Variants in ADCYAP1R1 observed in about 807,000 individuals in gnomAD.
ADCYAP1R1 encodes ADCYAP receptor type I, also known as pituitary adenylate cyclase-activating polypeptide type I receptor.
A neutral mutation model predicts 67.6 loss-of-function variants in ADCYAP1R1; 44 were observed. The observed-to-expected ratio is 0.65, with a 90% CI of 0.51 to 0.84. ADCYAP1R1 has a LOEUF of 0.84. Among genes scored for constraint, ADCYAP1R1 ranks in the 40% least tolerant of loss-of-function variants. The pLI, the probability that ADCYAP1R1 is intolerant of heterozygous loss-of-function variation, is 0.00. For missense variants in ADCYAP1R1, 477 were observed against 587.9 expected, an observed-to-expected ratio of 0.81 and a Z score of 1.95; for synonymous variants, 222 against 219.6, an observed-to-expected ratio of 1.01 and a Z score of -0.10.
rs952459417 is a variant in ADCYAP1R1 at position 31,095,685 on chromosome 7, A to C, written c.1046+2950A>C. ...TTTCCAGAACAAATTTAAGCCCGCGAGTCCCCAAGAAAGCCCGAGAGGACC... is the reference window on the plus strand; with the variant it reads ...TTTCCAGAACAAATTTAAGCCCGCGCGTCCCCAAGAAAGCCCGAGAGGACC... On this transcript the variant is annotated intron_variant, in intron 13 of 15. Transcript: ENST00000304166. The C allele has an allele frequency of 1.9e-5, 14 of 718,066 alleles. No homozygotes were observed. The Admixed American group carries it at 2.8e-4, about 14-fold the overall frequency. 44.5% of individuals were successfully genotyped at this position (718,066 alleles called of 1,614,324 possible).
At chr7:31,092,765 A>G (rs759247342) in intron 13 of ADCYAP1R1, 30 bp downstream of exon 13, 11 of 1,553,652 alleles carry the variant, frequency 7.1e-6, no homozygotes, top group Non-Finnish European at 8.8e-6. Context: ...TGCCACAGCC[A>G]TTTCTGACAG....
chr7:31,057,975 T>C (rs1158442260), intron 1 of ADCYAP1R1, among the ~76,000 whole-genome samples: 2 of 152,176 alleles, frequency 1.3e-5, no homozygotes, highest in African/African-American at 4.8e-5. Flanking sequence ...AGCCCCATGA[T>C]GGGCAGATGA....
chr7:31,067,601 G>A (rs1562631445), intron 3 of ADCYAP1R1, among the ~76,000 whole-genome samples: 1 of 152,164 alleles, frequency 6.6e-6, no homozygotes, highest in Non-Finnish European at 1.5e-5. Flanking sequence ...TAAGGACATA[G>A]TCCATTAAGA....
At chr7:31,066,444 C>T (rs980439436) in intron 3 of ADCYAP1R1, among the ~76,000 whole-genome samples, 6 of 152,058 alleles carry the variant, frequency 3.9e-5, no homozygotes, top group African/African-American at 1.2e-4. Flanking sequence ...ACAGGGATGT[C>T]GTGGCAGAGA....
At chr7:31,053,961 AG>A (rs1218454976) in intron 1 of ADCYAP1R1, among the ~76,000 whole-genome samples, 1 of 152,204 alleles carries the variant, frequency 6.6e-6, no homozygotes, top group Non-Finnish European at 1.5e-5. Context: ...CAGGGGCAGC[AG>A]GCAGCACCCA....
At chr7:31,085,069 T>C (rs762442653) in intron 8 of ADCYAP1R1, among the ~76,000 whole-genome samples, 5 of 152,202 alleles carry the variant, frequency 3.3e-5, no homozygotes, top group African/African-American at 7.2e-5. Flanking sequence ...TGCTTTTGTC[T>C]TCCTGGTCTA....
intron 5 of ADCYAP1R1, 92 bp from the exon 6 acceptor site, chr7:31,081,621 C>T (rs572727949): frequency 9.9e-7 from 1 of 1,013,710 alleles, no homozygotes; most frequent in African/African-American, 1.6e-5. Flanking sequence ...TCCTGTAGAC[C>T]AGGGGTAGCC....
At chr7:31,100,256 G>C (rs958727815) in intron 13 of ADCYAP1R1, 3 of 1,531,700 alleles carry the variant, frequency 2.0e-6, no homozygotes, top group Admixed American at 2.0e-5. Context: ...CTGGAGGGGT[G>C]GGGGACGCAT....
At chr7:31,092,433 G>T (rs559465033) in intron 12 of ADCYAP1R1, among the ~76,000 whole-genome samples, 1 of 151,690 alleles carries the variant, frequency 6.6e-6, no homozygotes, top group South Asian at 2.1e-4. Context: ...CCTATTTCCC[G>T]TACTTCTATG....
rs529520253 is a variant in ADCYAP1R1 at position 31,107,735 on chromosome 7, A to G, written c.*1051A>G. 1.3e-5 allele frequency: 2 copies of G among 151,952 alleles called. No individual in the cohort carries two copies. The highest frequency in any genetic ancestry group is 2.9e-5 in the Non-Finnish European group (2 of 68,140). 9.4% of individuals were successfully genotyped at this position (151,952 alleles called of 1,614,324 possible). A position where few individuals can be genotyped will look rare whatever the true frequency, so the allele number is the denominator to read the frequency against. On this transcript the variant is annotated 3_prime_UTR_variant, in exon 16 of 16. Coordinates refer to ENST00000304166, the MANE Select transcript of ADCYAP1R1 (RefSeq NM_001118.5). ...TGGGGCCCAGGGCTGCCCGACCCCC[A>G]CTCCCATGGATGATGAGGAGCCCCA...
chr7:31,063,340 G>C (rs779335881), intron 2 of ADCYAP1R1, 25 bp downstream of exon 2: 2 of 1,613,908 alleles, frequency 1.2e-6, no homozygotes, highest in Non-Finnish European at 1.7e-6. Context: ...ACATCTCTCT[G>C]GGAGCCCCAG....
chr7:31,097,015 C>A (rs188224536), intron 13 of ADCYAP1R1, among the ~76,000 whole-genome samples: 112 of 152,358 alleles, frequency 7.4e-4, no homozygotes, highest in African/African-American at 2.6e-3. Flanking sequence ...GGAAGCATTT[C>A]TGGAGTTTGG....
intron 8 of ADCYAP1R1, among the ~76,000 whole-genome samples, chr7:31,085,091 G>A (rs1214005989): frequency 6.6e-6 from 1 of 152,238 alleles, no homozygotes; most frequent in Non-Finnish European, 1.5e-5. Context: ...AAAGACAGAG[G>A]CCACAGGAGG....
At chr7:31,094,124 CT>C (rs1175706081) in intron 13 of ADCYAP1R1, among the ~76,000 whole-genome samples, 1 of 152,122 alleles carries the variant, frequency 6.6e-6, no homozygotes. Context: ...GGAAAAAGTG[CT>C]TTTTTTCCTA....
At chr7:31,076,296 C>T (rs1795211479) in intron 3 of ADCYAP1R1, among the ~76,000 whole-genome samples, 1 of 152,098 alleles carries the variant, frequency 6.6e-6, no homozygotes, top group South Asian at 2.1e-4. Flanking sequence ...TCGCTGGTGA[C>T]CTTGGTGAGA....
In ADCYAP1R1 at chr7:31,085,186, G is replaced by T. The variant is rs535524469; in HGVS notation, c.537-124G>T. 7.6e-6 allele frequency: 10 copies of T among 1,320,532 alleles called. No individual in the cohort carries two copies. In the African/African-American group the frequency reaches 1.5e-4, roughly 19 times the overall value. 81.8% of individuals were successfully genotyped at this position (1,320,532 alleles called of 1,614,324 possible). A position where few individuals can be genotyped will look rare whatever the true frequency, so the allele number is the denominator to read the frequency against. ...GATTTAGAGAGGTGGCAGGAAGGAG[G>T]GTGGCCTGGGTGGGAGACCTGCTGA... On this transcript the variant is annotated intron_variant, in intron 8 of 15. Coordinates refer to ENST00000304166, the MANE Select transcript of ADCYAP1R1 (RefSeq NM_001118.5).
chr7:31,053,981 C>G (rs1416104214), intron 1 of ADCYAP1R1, among the ~76,000 whole-genome samples: 2 of 152,194 alleles, frequency 1.3e-5, no homozygotes, highest in Non-Finnish European at 2.9e-5. Flanking sequence ...CAGGTTTTCT[C>G]AGGAGACCCC....
chr7:31,099,700 T>C (rs537635843), intron 13 of ADCYAP1R1, among the ~76,000 whole-genome samples: 2 of 152,202 alleles, frequency 1.3e-5, no homozygotes, highest in South Asian at 4.1e-4. Flanking sequence ...TTGCCTGTGC[T>C]AGGCAGTGCA....
intron 11 of ADCYAP1R1, among the ~76,000 whole-genome samples, chr7:31,087,320 C>T (rs1361347385): frequency 6.6e-6 from 1 of 152,182 alleles, no homozygotes; most frequent in Non-Finnish European, 1.5e-5. Context: ...ATCCTAAGAG[C>T]TGTAGGTCTT....
Sources: allele counts gnomAD v4.1 joint callset (sites outside exome capture counted in the v4.1 genomes callset), GRCh38; gene constraint gnomAD v4.1.1; transcripts MANE v1.5; gene names NCBI Gene and HGNC (gene_info 2026-07-23, HGNC 2026-07-21).